The following MVB12B variants were observed in gnomAD, a reference collection of about 807,000 sequenced individuals.
MVB12B encodes multivesicular body subunit 12B.
In MVB12B, 16 loss-of-function variants were observed where a neutral mutation model predicts 41.6. The observed-to-expected ratio is 0.38, with a 90% CI of 0.26 to 0.58. The LOEUF is 0.58. Among genes scored for constraint, MVB12B ranks in the 20% least tolerant of loss-of-function variants. The pLI is 0.62. For synonymous variants in MVB12B, 133 were observed against 139.7 expected, an observed-to-expected ratio of 0.95 and a Z score of 0.34; for missense variants, 274 against 380.2, an observed-to-expected ratio of 0.72 and a Z score of 2.32.
intron 1 of MVB12B, among the ~76,000 whole-genome samples, chr9:126,330,944 C>T (rs1420840023): frequency 2.0e-5 from 3 of 152,096 alleles, no homozygotes; most frequent in Non-Finnish European, 4.4e-5. Context: ...TCAGAATTTC[C>T]TTCCTTTTTA....
chr9:126,395,674 C>T lies in MVB12B; in HGVS notation c.639C>T (p.Ser213=), dbSNP rs780386202. 2 of 1,614,128 alleles carry T rather than the reference C, an allele frequency of 1.2e-6. No homozygotes were observed. Among genetic ancestry groups the T allele is most frequent in the East Asian group, 4.5e-5 (2 of 44,884 alleles). Residue 213 remains serine, a synonymous_variant, in exon 6 of 10, where the codon TCC becomes TCT. Coordinates refer to ENST00000361171, the MANE Select transcript of MVB12B (RefSeq NM_033446.3). This position sits in a 1 kb window ranked among gnomAD's most constrained non-coding sequence, Gnocchi z 4.9. ...PTTPSQSSAA[S]TPAPNLPRHI... ...CGCCTTCCCAGTCATCAGCTGCCTCCACCCCAGCCCCCAACCTTCCCAGGT... is the reference window on the plus strand; with the variant it reads ...CGCCTTCCCAGTCATCAGCTGCCTCTACCCCAGCCCCCAACCTTCCCAGGT...
intron 2 of MVB12B, among the ~76,000 whole-genome samples, chr9:126,341,580 T>G (rs1829445896): frequency 6.6e-6 from 1 of 152,214 alleles, no homozygotes; most frequent in Admixed American, 6.5e-5. Context: ...GTGAGGAGAA[T>G]GTGATGCCTG....
chr9:126,425,613 A>AT (rs373403639), intron 7 of MVB12B, among the ~76,000 whole-genome samples: 5 of 152,086 alleles, frequency 3.3e-5, no homozygotes, highest in African/African-American at 9.6e-5. Flanking sequence ...AGAAAATATG[A>AT]TTTTTTTTCC....
intron 6 of MVB12B, among the ~76,000 whole-genome samples, chr9:126,416,054 G>A (rs1831813891): frequency 6.6e-6 from 1 of 152,214 alleles, no homozygotes. Flanking sequence ...TGGTCAGAGA[G>A]GAGGGATGGG....
At chr9:126,451,338 G>T (rs1034407748) in intron 7 of MVB12B, among the ~76,000 whole-genome samples, 12 of 152,350 alleles carry the variant, frequency 7.9e-5, no homozygotes, top group African/African-American at 2.9e-4. Flanking sequence ...GTAGAGAATG[G>T]CTGGGAAGCA....
intron 7 of MVB12B, among the ~76,000 whole-genome samples, chr9:126,423,196 G>A (rs1159639163): frequency 6.6e-6 from 1 of 152,234 alleles, no homozygotes; most frequent in Non-Finnish European, 1.5e-5. Context: ...CATTCAGAAT[G>A]CACACAAGGG....
At chr9:126,416,552 C>T (rs538256089) in intron 6 of MVB12B, among the ~76,000 whole-genome samples, 2 of 152,308 alleles carry the variant, frequency 1.3e-5, no homozygotes, top group Admixed American at 6.5e-5. Context: ...AAAGGGCCTT[C>T]AGGAGGGACC....
intron 7 of MVB12B, among the ~76,000 whole-genome samples, chr9:126,477,182 G>T (rs1476489044): frequency 6.6e-6 from 1 of 152,040 alleles, no homozygotes; most frequent in African/African-American, 2.4e-5. Flanking sequence ...GAGAGAGAGG[G>T]CCAGGGGAGG....
chr9:126,453,633 A>G (rs1832922504), intron 7 of MVB12B, among the ~76,000 whole-genome samples: 1 of 152,030 alleles, frequency 6.6e-6, no homozygotes, highest in Admixed American at 6.5e-5. Context: ...TCTTCTCACT[A>G]TGCCCCTTCT....
rs534711038 is a variant in MVB12B at position 126,461,872 on chromosome 9, C to T, written c.758-19497C>T. Among the ~76,000 whole-genome samples the T allele has an allele frequency of 2.6e-5, 4 of 152,266 alleles. No homozygotes were observed. The South Asian group carries it at 8.3e-4, about 32-fold the overall frequency. ...CCGTGGGGGTTGAGAGCATGGGGGC[C>T]CTCGCCCACCCGCCAGCCATTCATC... On this transcript the variant is annotated intron_variant, in intron 7 of 9. Transcript: ENST00000361171.
chr9:126,420,020 C>A (rs1564321573), intron 6 of MVB12B, among the ~76,000 whole-genome samples: 1 of 152,186 alleles, frequency 6.6e-6, no homozygotes, highest in African/African-American at 2.4e-5. Context: ...CGACGTGTGC[C>A]CTAACCCTAT....
chr9:126,406,577 C>A (rs760785614), intron 6 of MVB12B, among the ~76,000 whole-genome samples: 1 of 152,142 alleles, frequency 6.6e-6, no homozygotes, highest in Non-Finnish European at 1.5e-5. Flanking sequence ...CCCATATGTT[C>A]CTTGTTTTTA....
intron 1 of MVB12B, among the ~76,000 whole-genome samples, chr9:126,337,279 C>T (rs1277868808): frequency 6.6e-6 from 1 of 152,142 alleles, no homozygotes; most frequent in Non-Finnish European, 1.5e-5. Context: ...CTGTGCGGTG[C>T]TTGGATCTCC....
At chr9:126,397,223 C>T in intron 6 of MVB12B, 1 of 985,490 alleles carries the variant, frequency 1.0e-6, no homozygotes, top group Non-Finnish European at 1.2e-6. Context: ...GAAATGGGCA[C>T]CACCTCAGGC....
At chr9:126,353,338 C>T (rs1829801860) in intron 2 of MVB12B, among the ~76,000 whole-genome samples, 1 of 152,202 alleles carries the variant, frequency 6.6e-6, no homozygotes, top group African/African-American at 2.4e-5. Context: ...TGTCACCTTC[C>T]CTTTCCCAGA....
At chr9:126,347,374 C>T (rs1829626141) in intron 2 of MVB12B, among the ~76,000 whole-genome samples, 1 of 152,252 alleles carries the variant, frequency 6.6e-6, no homozygotes. Context: ...CCCCATGTCT[C>T]TTTCTCTCAA....
chr9:126,481,103 C>T (rs1279247255), intron 7 of MVB12B: 3 of 488,066 alleles, frequency 6.1e-6, no homozygotes, highest in Admixed American at 3.8e-5. Context: ...TCTGGACCAG[C>T]CGCTCTCTGC....
chr9:126,434,495 A>G (rs558361131), intron 7 of MVB12B, among the ~76,000 whole-genome samples: 35 of 152,340 alleles, frequency 2.3e-4, no homozygotes, highest in African/African-American at 7.9e-4. Flanking sequence ...TGAATGAGGG[A>G]GTAAAGCTTG....
rs7852355 is a variant in MVB12B at position 126,457,085 on chromosome 9, G to A, written c.758-24284G>A. On this transcript the variant is annotated intron_variant, in intron 7 of 9. Coordinates refer to ENST00000361171, the MANE Select transcript of MVB12B (RefSeq NM_033446.3). Reference sequence around the variant, plus strand: ...GCAAACCCTTTCTCATTTCCACATCGCATGTGTGGCAGGCTTATTCCTCCC... The same window carrying A: ...GCAAACCCTTTCTCATTTCCACATCACATGTGTGGCAGGCTTATTCCTCCC... Among the ~76,000 whole-genome samples, 770 of 152,104 alleles carry A rather than the reference G, an allele frequency of 5.1e-3. 12 individuals carry two copies. The highest frequency in any genetic ancestry group is 0.018 in the African/African-American group (740 of 41,458).
Sources: gnomAD v4.1 joint callset for allele counts (sites outside exome capture counted in the v4.1 genomes callset) on GRCh38, gnomAD v4.1.1 for gene constraint, Gnocchi (gnomAD v3.1) non-coding constraint, MANE v1.5 for transcripts, NCBI Gene and HGNC (gene_info 2026-07-23, HGNC 2026-07-21) for gene names.